The following CEP128 variants were observed in gnomAD, a reference collection of about 807,000 sequenced individuals.
CEP128 encodes centrosomal protein 128kDa.
In CEP128, 132 loss-of-function variants were observed where a neutral mutation model predicts 156.7. The observed-to-expected ratio is 0.84, with a 90% CI of 0.73 to 0.97. The LOEUF is 0.97. Ranked by LOEUF, CEP128 falls within the 50% of genes least tolerant of loss-of-function variation. The pLI is 0.00. For missense variants in CEP128, 1,252 were observed against 1,281.9 expected, an observed-to-expected ratio of 0.98 and a Z score of 0.36; for synonymous variants, 469 against 448.9, an observed-to-expected ratio of 1.04 and a Z score of -0.57.
At chr14:80,861,586 A>C (rs1316934744) in intron 9 of CEP128, among the ~76,000 whole-genome samples, 3 of 152,134 alleles carry the variant, frequency 2.0e-5, no homozygotes, top group Non-Finnish European at 4.4e-5. Context: ...ATTCTACAAA[A>C]TAAATTGTTT....
chr14:80,691,312 G>A (rs921510945), intron 19 of CEP128, among the ~76,000 whole-genome samples: 2 of 152,094 alleles, frequency 1.3e-5, no homozygotes, highest in Non-Finnish European at 2.9e-5. Flanking sequence ...TCCTTTTAGC[G>A]AGAATAATGA....
At chr14:80,648,702 A>AT (rs1233899002) in intron 19 of CEP128, among the ~76,000 whole-genome samples, 2 of 152,118 alleles carry the variant, frequency 1.3e-5, no homozygotes, top group Admixed American at 6.6e-5. Flanking sequence ...CTGTTTATTC[A>AT]TTTTTTCATT....
At chr14:80,574,700 T>C (rs563686236) in intron 20 of CEP128, among the ~76,000 whole-genome samples, 8 of 152,192 alleles carry the variant, frequency 5.3e-5, no homozygotes, top group Non-Finnish European at 1.2e-4. Flanking sequence ...TATATTCTAT[T>C]TTTTTCCTCG....
chr14:80,486,901 G>T (rs1887178379), downstream of CEP128, among the ~76,000 whole-genome samples: 1 of 152,102 alleles, frequency 6.6e-6, no homozygotes, highest in African/African-American at 2.4e-5. Context: ...GGAACAACCG[G>T]TACCGGCCAC....
chr14:80,679,791 C>T (rs1896241074), intron 19 of CEP128, among the ~76,000 whole-genome samples: 1 of 152,138 alleles, frequency 6.6e-6, no homozygotes, highest in African/African-American at 2.4e-5. Flanking sequence ...ACCCCCTCCC[C>T]TTTTGAAGTC....
At chr14:80,870,110 A>G (rs1223223550) in intron 8 of CEP128, among the ~76,000 whole-genome samples, 1 of 151,916 alleles carries the variant, frequency 6.6e-6, no homozygotes, top group Non-Finnish European at 1.5e-5. Context: ...GTAATCAAAG[A>G]CCTCCCAACA....
At chr14:80,769,564 T>C (rs1248547832) in intron 16 of CEP128, among the ~76,000 whole-genome samples, 3 of 152,324 alleles carry the variant, frequency 2.0e-5, no homozygotes, top group African/African-American at 7.2e-5. Context: ...GCTTCATCCA[T>C]GTCCCTACAA....
intron 19 of CEP128, among the ~76,000 whole-genome samples, chr14:80,699,561 G>A (rs1266199478): frequency 2.0e-5 from 3 of 152,150 alleles, no homozygotes; most frequent in Non-Finnish European, 4.4e-5. Flanking sequence ...TTTAGTATAT[G>A]CCACCATTTA....
intron 21 of CEP128, among the ~76,000 whole-genome samples, chr14:80,532,198 T>C (rs571658986): frequency 6.6e-6 from 1 of 152,078 alleles, no homozygotes; most frequent in South Asian, 2.1e-4. Context: ...TATATATATA[T>C]ATATTTTTTT....
intron 19 of CEP128, among the ~76,000 whole-genome samples, chr14:80,634,588 T>C (rs1894103501): frequency 6.6e-6 from 1 of 152,186 alleles, no homozygotes; most frequent in Non-Finnish European, 1.5e-5. Flanking sequence ...AATAAGAAAA[T>C]GTAACTAACA....
chr14:80,916,013 C>T (rs1333935763), intron 3 of CEP128, among the ~76,000 whole-genome samples: 1 of 152,188 alleles, frequency 6.6e-6, no homozygotes, highest in Non-Finnish European at 1.5e-5. Flanking sequence ...AAATCATAAA[C>T]ATCCGTAAAA....
intron 15 of CEP128, among the ~76,000 whole-genome samples, chr14:80,778,258 T>A (rs1351304795): frequency 2.0e-5 from 3 of 152,200 alleles, no homozygotes; most frequent in African/African-American, 7.2e-5. Flanking sequence ...AAGTGGTAGA[T>A]ACTGGACTAG....
At chr14:80,692,951 T>A (rs4903934) in intron 19 of CEP128, among the ~76,000 whole-genome samples, 2 of 152,142 alleles carry the variant, frequency 1.3e-5, no homozygotes, top group East Asian at 3.9e-4. Context: ...CATACTTTAA[T>A]GTGCATTTAA....
chr14:80,656,166 T>C (rs1217244167), intron 19 of CEP128, among the ~76,000 whole-genome samples: 1 of 150,836 alleles, frequency 6.6e-6, no homozygotes, highest in Non-Finnish European at 1.5e-5. Context: ...AAGTCCAAAG[T>C]TAATTTTCTA....
At chr14:80,692,820 T>C (rs970248840) in intron 19 of CEP128, among the ~76,000 whole-genome samples, 1 of 152,182 alleles carries the variant, frequency 6.6e-6, no homozygotes, top group African/African-American at 2.4e-5. Flanking sequence ...GGTTTTCCTT[T>C]AGATAGAGAA....
chr14:80,935,253 T>TA (rs1248911317), intron 2 of CEP128, among the ~76,000 whole-genome samples: 8 of 152,182 alleles, frequency 5.3e-5, no homozygotes, highest in Non-Finnish European at 1.0e-4. Context: ...AATAAGCTGA[T>TA]AAGAATAAAG....
intron 3 of CEP128, 58 bp from the exon 4 acceptor site, chr14:80,914,466 T>A: frequency 7.8e-7 from 1 of 1,282,250 alleles, no homozygotes; most frequent in Non-Finnish European, 1.1e-6. Context: ...TCCTAATCAA[T>A]CTTAGTAGTA....
At chr14:80,810,120 G>T (rs1050195996) in intron 13 of CEP128, among the ~76,000 whole-genome samples, 1 of 151,526 alleles carries the variant, frequency 6.6e-6, no homozygotes. Context: ...TCAGGAGATC[G>T]AGATCGTCCT....
intron 6 of CEP128, among the ~76,000 whole-genome samples, chr14:80,902,206 T>C (rs943272914): frequency 1.7e-4 from 26 of 152,172 alleles, no homozygotes; most frequent in Admixed American, 6.5e-5. Context: ...ATCTAGCTCC[T>C]CCTCTAGAAT....
Sources: allele counts gnomAD v4.1 joint callset (sites outside exome capture counted in the v4.1 genomes callset), GRCh38; gene constraint gnomAD v4.1.1; transcripts MANE v1.5; gene names NCBI Gene and HGNC (gene_info 2026-07-23, HGNC 2026-07-21).